The following CASQ2 variants were observed in gnomAD, a reference collection of about 807,000 sequenced individuals.
CASQ2 encodes the protein calsequestrin-2.
In CASQ2, 49 loss-of-function variants were observed where a neutral mutation model predicts 46.5. The observed-to-expected ratio is 1.05, with a 90% CI of 0.84 to 1.34. The LOEUF is 1.34. CASQ2 is among the 40% of genes most tolerant of loss of function. The probability of loss-of-function intolerance (pLI) is 0.00; values close to 1 mark genes in which losing one functional copy is unlikely to be tolerated. For synonymous variants in CASQ2, 174 were observed against 168.5 expected (o/e 1.03, Z -0.25); for missense variants, 486 against 481.3 (o/e 1.01, Z -0.09).
At chr1:115,758,650 AG>A (rs1217592540) in intron 1 of CASQ2, among the ~76,000 whole-genome samples, 7 of 152,160 alleles carry the variant, frequency 4.6e-5, no homozygotes, top group African/African-American at 1.7e-4. Flanking sequence ...TGACTGAGTG[AG>A]TTCTCACTCT....
chr1:115,710,657 T>A (rs1202417938), intron 8 of CASQ2, among the ~76,000 whole-genome samples: 5 of 152,078 alleles, frequency 3.3e-5, no homozygotes, highest in Non-Finnish European at 7.4e-5. Flanking sequence ...TGCCAAGCCC[T>A]CGCCTCCCAG....
At chr1:115,706,133 T>C (rs1654351368) in intron 8 of CASQ2, among the ~76,000 whole-genome samples, 1 of 152,072 alleles carries the variant, frequency 6.6e-6, no homozygotes, top group African/African-American at 2.4e-5. Flanking sequence ...TAATAAACTG[T>C]GCCTGTGTGT....
At chr1:115,765,790 C>A (rs561742255) in intron 1 of CASQ2, among the ~76,000 whole-genome samples, 1 of 152,228 alleles carries the variant, frequency 6.6e-6, no homozygotes, top group East Asian at 1.9e-4. Context: ...GTGGCTGAGA[C>A]CACACTGCCT....
At chr1:115,763,612 T>C (rs1029681137) in intron 1 of CASQ2, among the ~76,000 whole-genome samples, 4 of 152,214 alleles carry the variant, frequency 2.6e-5, no homozygotes, top group Non-Finnish European at 4.4e-5. Context: ...TAGCATTTGT[T>C]AAGTATCTTC....
chr1:115,721,075 A>G lies in CASQ2; in HGVS notation c.784-3181T>C, dbSNP rs553585298. 2.0e-5 allele frequency among the ~76,000 whole-genome samples: 3 copies of G among 152,358 alleles called. No homozygotes were observed. The South Asian group carries it at 6.2e-4, about 32-fold the overall frequency. ...AGAGATGCAAAGAAAAATGCGGTTA[A>G]AATAAGCAGGCTTCCTATTTAAGGT... On this transcript the variant is annotated intron_variant, in intron 7 of 10. Transcript: ENST00000261448.
intron 1 of CASQ2, among the ~76,000 whole-genome samples, chr1:115,767,752 A>C (rs1649179529): frequency 1.3e-5 from 2 of 152,154 alleles, no homozygotes; most frequent in Admixed American, 1.3e-4. Flanking sequence ...AAAATCACAT[A>C]AATGAATATG....
At chr1:115,745,949 G>A (rs1454520019) in intron 1 of CASQ2, among the ~76,000 whole-genome samples, 2 of 152,182 alleles carry the variant, frequency 1.3e-5, no homozygotes, top group Non-Finnish European at 2.9e-5. Context: ...GGATCGCTCT[G>A]TTGTCCTTCA....
At chr1:115,736,164 G>GA (rs61418355) in intron 4 of CASQ2, among the ~76,000 whole-genome samples, 1,664 of 98,778 alleles carry the variant, frequency 0.017, 23 homozygotes, top group African/African-American at 0.046. Flanking sequence ...ACTCCATCCC[G>GA]AAAAAAAAAA....
At chr1:115,738,094 G>A in intron 4 of CASQ2, 130 bp downstream of exon 4, 1 of 748,448 alleles carries the variant, frequency 1.3e-6, no homozygotes, top group African/African-American at 1.7e-5. Flanking sequence ...TTAGGCTCAG[G>A]AAGAATTCTA....
intron 2 of CASQ2, 119 bp from the exon 3 acceptor site, chr1:115,740,947 G>C: frequency 1.5e-5 from 11 of 716,186 alleles, no homozygotes; most frequent in Non-Finnish European, 2.8e-5. Context: ...AGTGGAACTA[G>C]CATTAACCAA....
chr1:115,753,104 C>T (rs1570850230), intron 1 of CASQ2, among the ~76,000 whole-genome samples: 1 of 152,166 alleles, frequency 6.6e-6, no homozygotes, highest in Admixed American at 6.5e-5. Context: ...ACTGGGGAAG[C>T]TTCTCAGCAT....
At chr1:115,765,380 G>A (rs1649102181) in intron 1 of CASQ2, among the ~76,000 whole-genome samples, 1 of 152,158 alleles carries the variant, frequency 6.6e-6, no homozygotes, top group African/African-American at 2.4e-5. Flanking sequence ...CCTTAGAGAT[G>A]CAGACAAAAT....
chr1:115,737,080 T>G (rs941955509), intron 4 of CASQ2, among the ~76,000 whole-genome samples: 6 of 152,020 alleles, frequency 3.9e-5, no homozygotes, highest in Non-Finnish European at 2.9e-5. Context: ...GGAAACAAAT[T>G]GAGACAGACG....
intron 1 of CASQ2, among the ~76,000 whole-genome samples, chr1:115,753,826 A>G (rs1648664898): frequency 6.6e-6 from 1 of 152,104 alleles, no homozygotes; most frequent in South Asian, 2.1e-4. Flanking sequence ...GGTCATAAAG[A>G]AAAAGGAGGT....
At chr1:115,735,415 G>A (rs1049202194) in intron 4 of CASQ2, among the ~76,000 whole-genome samples, 2 of 152,048 alleles carry the variant, frequency 1.3e-5, no homozygotes, top group African/African-American at 2.4e-5. Flanking sequence ...ATATTTTGAG[G>A]GATCATTATT....
In CASQ2 at chr1:115,717,830, G is replaced by A; in HGVS notation, c.838+10C>T. On this transcript the variant is annotated intron_variant, in intron 8 of 10. Coordinates refer to ENST00000261448, the MANE Select transcript of CASQ2 (RefSeq NM_001232.4). ...TAGAGCTGTAAAAGAGCAGGTTGAA[G>A]GTTTCCTACCTGGATCACTCTTCTC... The A allele has an allele frequency of 6.3e-7, 1 of 1,595,234 alleles. No homozygotes were observed.
At chr1:115,705,847 G>A (rs1570796676) in intron 8 of CASQ2, among the ~76,000 whole-genome samples, 1 of 132,810 alleles carries the variant, frequency 7.5e-6, no homozygotes, top group African/African-American at 2.8e-5. Context: ...CTTGTATACT[G>A]GGCCCTCCCT....
chr1:115,762,468 A>C (rs1648996395), intron 1 of CASQ2, among the ~76,000 whole-genome samples: 1 of 152,206 alleles, frequency 6.6e-6, no homozygotes, highest in South Asian at 2.1e-4. Context: ...CAATAAATGC[A>C]TGTTGGTTAC....
In CASQ2 at chr1:115,738,223, C is replaced by T. The variant is rs1202663155; in HGVS notation, c.532+1G>A. ...TCGGCTGGGGTTGGCAGACAACTTA[C>T]ATTCTGAGTCCTCACTCTTGAAAAA... On this transcript the variant is annotated splice_donor_variant, in intron 4 of 10. Coordinates refer to ENST00000261448, the MANE Select transcript of CASQ2 (RefSeq NM_001232.4). LOFTEE classifies it high-confidence loss of function. The T allele has an allele frequency of 1.9e-6, 3 of 1,579,356 alleles. No individual in the cohort carries two copies. The highest frequency in any genetic ancestry group is 1.1e-5 in the South Asian group (1 of 90,398).
Sources: allele counts gnomAD v4.1 joint callset (sites outside exome capture counted in the v4.1 genomes callset), GRCh38; gene constraint gnomAD v4.1.1; transcripts MANE v1.5; gene names NCBI Gene and HGNC (gene_info 2026-07-23, HGNC 2026-07-21).